CA8: variants seen among roughly 807,000 people sequenced by gnomAD.
CA8 encodes the protein carbonic anhydrase 8 (inactive).
Under a neutral mutation model 41.4 loss-of-function variants are expected in CA8, and 22 were observed. The ratio of observed to expected loss-of-function variants is 0.53; its 90% CI spans 0.38 to 0.76. The LOEUF is 0.76. CA8 is among the 30% of genes least tolerant of loss of function. The probability of loss-of-function intolerance (pLI) is 0.00; values close to 1 mark genes in which losing one functional copy is unlikely to be tolerated. For synonymous variants in CA8, 121 were observed against 130.6 expected, an observed-to-expected ratio of 0.93 and a Z score of 0.50; for missense variants, 270 against 352.8, an observed-to-expected ratio of 0.77 and a Z score of 1.88.
In CA8 at chr8:60,232,386, G is replaced by A. The variant is rs1464885833; in HGVS notation, c.418-7C>T. ...TCCAGTGGATCAGATGGAGCTGAGT[G>A]AGTGGCAACAGACAGACCACATCAT... is the stretch of plus-strand genomic sequence containing the variant. On this transcript the variant is annotated splice_region_variant and splice_polypyrimidine_tract_variant and intron_variant, in intron 3 of 8. Transcript: ENST00000317995. 6.3e-7 allele frequency: 1 copy of A among 1,593,176 alleles called. No individual in the cohort carries two copies. The highest frequency in any genetic ancestry group is 1.7e-5 in the Admixed American group (1 of 60,004).
At chr8:60,240,404 T>G (rs1807981202) in intron 3 of CA8, among the ~76,000 whole-genome samples, 1 of 152,192 alleles carries the variant, frequency 6.6e-6, no homozygotes, top group African/African-American at 2.4e-5. Context: ...AAACAGACAT[T>G]AGAAGTCAGC....
At chr8:60,246,361 C>T (rs570068014) in intron 3 of CA8, among the ~76,000 whole-genome samples, 2 of 152,136 alleles carry the variant, frequency 1.3e-5, no homozygotes, top group South Asian at 4.1e-4. Context: ...GGCATGATCT[C>T]GGCTCACTGT....
chr8:60,205,319 G>A lies in CA8; in HGVS notation c.*35+3431C>T, dbSNP rs1457062462. On this transcript the variant is annotated intron_variant, in intron 8 of 8. Transcript: ENST00000317995. ...CAGCTTAACAATATTTAGGTCACAA[G>A]CGAGACAGTCTTTGAGCGTCAGAAC... Among the ~76,000 whole-genome samples, 3 of 152,214 alleles carry A rather than the reference G, an allele frequency of 2.0e-5. 1 individual carries two copies. In the East Asian group the frequency reaches 5.8e-4, roughly 29 times the overall value.
chr8:60,193,223 C>G (rs980406173), intron 8 of CA8, among the ~76,000 whole-genome samples: 1 of 152,098 alleles, frequency 6.6e-6, no homozygotes, highest in South Asian at 2.1e-4. Flanking sequence ...GCACAAATAC[C>G]TACCCATTGC....
At position 60,226,914 on chromosome 8, in the gene CA8, A is replaced by G. The variant is rs751790443; in HGVS notation, c.535T>C (p.Leu179=). The change falls in exon 5 of 9, where the codon TTG becomes CTG. Residue 179 remains leucine (L), a synonymous_variant. Transcript: ENST00000317995. The part of the protein sequence containing the change: ...FVQIGKEHVG[L]KAVTEILQDI... ...TGGAGGATTTCAGTCACAGCCTTCA[A>G]GCCAACATGTTCCTTTCCTATCTGA... 1.9e-6 allele frequency: 3 copies of G among 1,604,208 alleles called. No homozygotes were observed. The Admixed American group carries it at 5.0e-5, about 27-fold the overall frequency.
chr8:60,193,102 G>A (rs2130377323), intron 8 of CA8, among the ~76,000 whole-genome samples: 1 of 152,166 alleles, frequency 6.6e-6, no homozygotes, highest in African/African-American at 2.4e-5. Flanking sequence ...ATTCAGAGGT[G>A]AACTACATGT....
At chr8:60,252,336 G>T (rs1441628179) in intron 3 of CA8, among the ~76,000 whole-genome samples, 3 of 152,128 alleles carry the variant, frequency 2.0e-5, no homozygotes, top group African/African-American at 7.2e-5. Flanking sequence ...GTGTTGCCTC[G>T]GAAACTCAGG....
At position 60,265,617 on chromosome 8, in the gene CA8, C is replaced by T. The variant is rs147164149; in HGVS notation, c.417+308G>A. On this transcript the variant is annotated intron_variant, in intron 3 of 8. Coordinates refer to ENST00000317995, the MANE Select transcript of CA8 (RefSeq NM_004056.6). ...CAGCTCGTCACCTATCCAAAGCATCCACAAAAATGACCTACTGAATTTGCA... is the reference window on the plus strand; with the variant it reads ...CAGCTCGTCACCTATCCAAAGCATCTACAAAAATGACCTACTGAATTTGCA... The T allele has an allele frequency of 8.6e-4, 303 of 350,888 alleles. 1 individual carries two copies. The highest frequency in any genetic ancestry group is 5.9e-3 in the African/African-American group (279 of 47,240). The allele number at this position is 350,888 out of a possible 1,614,324, so 21.7% of individuals were successfully genotyped here. A position where few individuals can be genotyped will look rare whatever the true frequency, so the allele number is the denominator to read the frequency against.
chr8:60,231,477 T>G (rs1012429423), intron 4 of CA8, among the ~76,000 whole-genome samples: 4 of 152,160 alleles, frequency 2.6e-5, no homozygotes, highest in Admixed American at 6.5e-5. Context: ...ATTATCGAAC[T>G]CTCTTTGGAA....
chr8:60,191,088 C>T (rs1343406087), intron 8 of CA8, among the ~76,000 whole-genome samples: 1 of 151,186 alleles, frequency 6.6e-6, no homozygotes, highest in Non-Finnish European at 1.5e-5. Context: ...TATATTTTTT[C>T]CTGCTCCCAC....
intron 8 of CA8, among the ~76,000 whole-genome samples, chr8:60,199,157 C>T (rs538484818): frequency 6.6e-6 from 1 of 152,064 alleles, no homozygotes; most frequent in East Asian, 1.9e-4. Flanking sequence ...AAAAATATTA[C>T]CAACAAAATA....
intron 7 of CA8, among the ~76,000 whole-genome samples, chr8:60,215,776 G>T (rs1806999399): frequency 6.6e-6 from 1 of 151,902 alleles, no homozygotes; most frequent in African/African-American, 2.4e-5. Context: ...TGTATGATGG[G>T]CTTAACAGTC....
At chr8:60,251,166 G>C (rs892199266) in intron 3 of CA8, among the ~76,000 whole-genome samples, 1 of 152,202 alleles carries the variant, frequency 6.6e-6, no homozygotes, top group African/African-American at 2.4e-5. Flanking sequence ...TGCTAAAGAA[G>C]TAAGCCATGT....
chr8:60,197,695 T>C (rs1806320617), intron 8 of CA8, among the ~76,000 whole-genome samples: 1 of 152,146 alleles, frequency 6.6e-6, no homozygotes, highest in African/African-American at 2.4e-5. Context: ...TGAGAGACGT[T>C]TGCTGCTGCT....
rs188580377 is a variant in CA8, at chr8:60,238,122, A to T, written c.418-5743T>A. On this transcript the variant is annotated intron_variant, in intron 3 of 8. Coordinates refer to ENST00000317995, the MANE Select transcript of CA8 (RefSeq NM_004056.6). Reference sequence around the variant, plus strand: ...ACGTTCAAAACGTTCATCTTAATGCACTTAACTCACAGAATAGATAAATTT... The same window carrying T: ...ACGTTCAAAACGTTCATCTTAATGCTCTTAACTCACAGAATAGATAAATTT... Among the ~76,000 whole-genome samples the T allele has an allele frequency of 1.5e-3, 221 of 152,328 alleles. 1 individual carries two copies. The highest frequency in any genetic ancestry group is 5.0e-3 in the African/African-American group (206 of 41,572).
chr8:60,261,105 T>C (rs1803718443), intron 3 of CA8, among the ~76,000 whole-genome samples: 1 of 152,106 alleles, frequency 6.6e-6, no homozygotes, highest in Non-Finnish European at 1.5e-5. Context: ...AAATGTGGGA[T>C]ATCTGGCGAC....
intron 3 of CA8, among the ~76,000 whole-genome samples, chr8:60,245,791 T>C (rs1268612000): frequency 6.6e-6 from 1 of 152,136 alleles, no homozygotes; most frequent in Non-Finnish European, 1.5e-5. Context: ...AGGAAAGGCA[T>C]CAATGGGTGT....
At chr8:60,246,527 G>A (rs1386317142) in intron 3 of CA8, among the ~76,000 whole-genome samples, 1 of 152,044 alleles carries the variant, frequency 6.6e-6, no homozygotes, top group East Asian at 1.9e-4. Flanking sequence ...CGAACTCCTG[G>A]CCTCAAGTGA....
chr8:60,273,488 G>A (rs1381303455), intron 2 of CA8, among the ~76,000 whole-genome samples: 1 of 152,170 alleles, frequency 6.6e-6, no homozygotes, highest in Non-Finnish European at 1.5e-5. Flanking sequence ...AAGCTCCTTT[G>A]CTCTCTTATG....
Sources: gnomAD v4.1 joint callset for allele counts (sites outside exome capture counted in the v4.1 genomes callset) on GRCh38, gnomAD v4.1.1 for gene constraint, MANE v1.5 for transcripts, NCBI Gene and HGNC (gene_info 2026-07-23, HGNC 2026-07-21) for gene names.